Variants in FRY observed in about 807,000 individuals in gnomAD.
FRY encodes FRY microtubule binding protein.
A neutral mutation model predicts 348.4 loss-of-function variants in FRY; 128 were observed. The observed-to-expected ratio is 0.37, with a 90% CI of 0.32 to 0.43. FRY has a LOEUF of 0.43. Ranked by LOEUF, FRY falls within the 20% of genes least tolerant of loss-of-function variation. The pLI, the probability that FRY is intolerant of heterozygous loss-of-function variation, is 1.00. For missense variants in FRY, 2,736 were observed against 3,695.2 expected, an observed-to-expected ratio of 0.74 and a Z score of 6.73; for synonymous variants, 1,370 against 1,374.7, an observed-to-expected ratio of 1.00 and a Z score of 0.08.
chr13:32,254,805 A>G (rs912294055), intron 51 of FRY, among the ~76,000 whole-genome samples: 1 of 152,210 alleles, frequency 6.6e-6, no homozygotes, highest in East Asian at 1.9e-4. Flanking sequence ...AATTCCTTCA[A>G]AGCTTGCCTG....
intron 39 of FRY, among the ~76,000 whole-genome samples, chr13:32,226,577 A>G (rs1241893336): frequency 1.3e-5 from 2 of 152,262 alleles, no homozygotes; most frequent in East Asian, 3.8e-4. Flanking sequence ...AGTGGTTTTC[A>G]TTTAGAACCA....
chr13:32,277,420 C>A (rs1012208116), intron 57 of FRY, among the ~76,000 whole-genome samples: 3 of 152,284 alleles, frequency 2.0e-5, no homozygotes, highest in Non-Finnish European at 2.9e-5. Flanking sequence ...ATGTGTCCAA[C>A]AATCTGCTAA....
In FRY at chr13:32,103,315, C is replaced by T. The variant is rs118141153; in HGVS notation, c.324+1299C>T. Among the ~76,000 whole-genome samples, 753 of 152,316 alleles carry T rather than the reference C, an allele frequency of 4.9e-3. 11 individuals are homozygous for T. The highest frequency in any genetic ancestry group is 0.03 in the East Asian group (157 of 5,182). The stretch of plus-strand genomic sequence containing the variant: ...GGTGGTCAGAGACCCTTGGTGAATA[C>T]GGTATATGATGTTTGGGGTTACCAT... On this transcript the variant is annotated intron_variant, in intron 3 of 60. Coordinates refer to ENST00000542859, the MANE Select transcript of FRY (RefSeq NM_023037.3).
intron 17 of FRY, among the ~76,000 whole-genome samples, chr13:32,162,282 T>C (rs1444156524): frequency 6.6e-6 from 1 of 152,212 alleles, no homozygotes; most frequent in East Asian, 1.9e-4. Flanking sequence ...TCATGCTGAC[T>C]GAATGAATGA....
At chr13:32,223,263 T>A (rs1885409926) in intron 36 of FRY, among the ~76,000 whole-genome samples, 1 of 152,140 alleles carries the variant, frequency 6.6e-6, no homozygotes. Flanking sequence ...CAGGCCAAAC[T>A]GTGCTTTATT....
At chr13:32,106,495 A>G (rs1877560050) in intron 3 of FRY, among the ~76,000 whole-genome samples, 1 of 152,126 alleles carries the variant, frequency 6.6e-6, no homozygotes, top group Non-Finnish European at 1.5e-5. Context: ...GAGCAAGATT[A>G]TTTTTTCTTT....
intron 14 of FRY, 100 bp downstream of exon 14, chr13:32,149,934 C>A: frequency 1.3e-6 from 1 of 758,618 alleles, no homozygotes; most frequent in Non-Finnish European, 2.4e-6. Flanking sequence ...TGTCTTCTCA[C>A]AAAGTCTTCT....
chr13:32,083,350 A>G (rs1875623950), intron 2 of FRY, among the ~76,000 whole-genome samples: 2 of 151,972 alleles, frequency 1.3e-5, no homozygotes, highest in Non-Finnish European at 1.5e-5. Context: ...TAAGATTACA[A>G]CTTTGCTTTT....
chr13:32,205,926 G>A (rs1884329521), intron 31 of FRY, among the ~76,000 whole-genome samples: 1 of 151,736 alleles, frequency 6.6e-6, no homozygotes, highest in South Asian at 2.1e-4. Flanking sequence ...AAACCAGAGC[G>A]AAAAGCTGCC....
intron 1 of FRY, among the ~76,000 whole-genome samples, chr13:32,040,150 T>C (rs1413387923): frequency 6.6e-6 from 1 of 152,246 alleles, no homozygotes; most frequent in African/African-American, 2.4e-5. Flanking sequence ...GGGTATTAGA[T>C]TAACTAGGGC....
intron 31 of FRY, among the ~76,000 whole-genome samples, chr13:32,205,735 G>A (rs1301908345): frequency 6.6e-6 from 1 of 152,100 alleles, no homozygotes; most frequent in Non-Finnish European, 1.5e-5. Flanking sequence ...TTGCAAACGA[G>A]AAGAGGGAGT....
intron 7 of FRY, 102 bp downstream of exon 7, chr13:32,124,977 G>A (rs1460600016): frequency 1.2e-6 from 1 of 840,200 alleles, no homozygotes; most frequent in Non-Finnish European, 2.1e-6. Context: ...AAGGAACTAG[G>A]TAGGGCTCTT....
intron 1 of FRY, among the ~76,000 whole-genome samples, chr13:32,049,669 G>A (rs188213628): frequency 1.2e-3 from 184 of 152,286 alleles, no homozygotes; most frequent in African/African-American, 4.3e-3. Flanking sequence ...ACTGAGAATG[G>A]AGGTAGGGAC....
chr13:32,218,711 A>G, intron 35 of FRY, 38 bp from the exon 36 acceptor site: 2 of 1,143,864 alleles, frequency 1.7e-6, no homozygotes, highest in South Asian at 1.2e-5. Context: ...ATATGCACAC[A>G]TGTTAATATT....
chr13:32,078,093 A>C (rs1199151155), intron 1 of FRY, among the ~76,000 whole-genome samples: 1 of 152,260 alleles, frequency 6.6e-6, no homozygotes, highest in African/African-American at 2.4e-5. Flanking sequence ...TAATTAAAAC[A>C]GTGTCTGACT....
Position 32,194,251 on chromosome 13 carries a change from C to T in FRY, c.3700C>T (p.Leu1234Phe). The change falls in exon 29 of 61, where the codon CTT (leucine) becomes TTT (phenylalanine). Residue 1234 changes from leucine to phenylalanine, a missense_variant. This residue lies in a region of FRY where 794 missense variants were observed against 977.0 expected (regional missense o/e 0.81). Coordinates refer to ENST00000542859, the MANE Select transcript of FRY (RefSeq NM_023037.3). ...IDRCYTGSYQ[L>F]ASGCFKAIAT... ...CCGATGCTACACAGGTTCCTACCAA[C>T]TTGCATCTGGCTGCTTCAAAGCCAT... 6.2e-7 allele frequency: 1 copy of T among 1,614,170 alleles called. No individual in the cohort carries two copies. The highest frequency in any genetic ancestry group is 8.5e-7 in the Non-Finnish European group (1 of 1,179,974).
Position 32,254,253 on chromosome 13 carries a change from T to C in FRY, c.7275T>C (p.Asp2425=). The C allele has an allele frequency of 6.2e-7, 1 of 1,614,106 alleles. No homozygotes were observed. The highest frequency in any genetic ancestry group is 1.3e-5 in the African/African-American group (1 of 75,028). The part of the protein sequence containing the change: ...SVIFSSCGDL[D]LLEHQTSLVS... ...TTTTTTCATCGTGTGGGGATCTGGA[T>C]CTGCTTGAGCACCAGACAAGCTTGG... The change falls in exon 51 of 61, where the codon GAT becomes GAC. Residue 2425 remains aspartate, a synonymous_variant. Coordinates refer to ENST00000542859, the MANE Select transcript of FRY (RefSeq NM_023037.3).
chr13:32,271,271 G>A (rs923290394), intron 55 of FRY, among the ~76,000 whole-genome samples: 6 of 152,180 alleles, frequency 3.9e-5, no homozygotes, highest in African/African-American at 1.4e-4. Flanking sequence ...AGCCTGCTAG[G>A]CCTGCAGACA....
intron 2 of FRY, chr13:32,086,014 G>C (rs1395481595): frequency 1.9e-6 from 1 of 518,628 alleles, no homozygotes; most frequent in South Asian, 1.4e-5. Flanking sequence ...ACCCAGGTGT[G>C]AATTGTGAAG....
Sources: gnomAD v4.1 joint callset for allele counts (sites outside exome capture counted in the v4.1 genomes callset) on GRCh38, gnomAD v4.1.1 for gene constraint, gnomAD v4.1.1 regional missense constraint, MANE v1.5 for transcripts, NCBI Gene and HGNC (gene_info 2026-07-23, HGNC 2026-07-21) for gene names.